The following PCDHGB1 variants were observed in gnomAD, a reference collection of about 807,000 sequenced individuals.
PCDHGB1 encodes protocadherin gamma-B1.
PCDHGB1 carries 34 observed loss-of-function variants against 56.6 expected under a neutral mutation model. The ratio of observed to expected loss-of-function variants is 0.60; its 90% CI spans 0.46 to 0.80. The LOEUF is 0.80. PCDHGB1 is among the 30% of genes least tolerant of loss of function. PCDHGB1 has a pLI of 0.00. For synonymous variants in PCDHGB1, 561 were observed against 505.9 expected (o/e 1.11, Z -1.46); for missense variants, 1,278 against 1,204.6 (o/e 1.06, Z -0.90).
intron 1 of PCDHGB1, among the ~76,000 whole-genome samples, chr5:141,479,135 G>C (rs1236040845): frequency 6.6e-6 from 1 of 152,126 alleles, no homozygotes; most frequent in East Asian, 1.9e-4. Flanking sequence ...TGTGCACCCT[G>C]CTTACAAAAT....
chr5:141,379,354 C>T (rs995158490), intron 1 of PCDHGB1: 2 of 152,104 alleles, frequency 1.3e-5, no homozygotes, highest in African/African-American at 2.4e-5. Flanking sequence ...TTTCTTGTAT[C>T]TTTGTGATAT....
chr5:141,461,648 A>G (rs910827619), intron 1 of PCDHGB1, among the ~76,000 whole-genome samples: 2 of 152,070 alleles, frequency 1.3e-5, no homozygotes, highest in South Asian at 2.1e-4. Context: ...TCTTTGACCC[A>G]TGGATTATTT....
intron 2 of PCDHGB1, among the ~76,000 whole-genome samples, chr5:141,504,869 C>T (rs919109041): frequency 6.6e-6 from 1 of 152,134 alleles, no homozygotes; most frequent in Admixed American, 6.5e-5. Flanking sequence ...CCCACCTTCA[C>T]AGTCCTCTGG....
At chr5:141,370,854 C>T in intron 1 of PCDHGB1, 1 of 1,614,054 alleles carries the variant, frequency 6.2e-7, no homozygotes. Flanking sequence ...CACATTTGCC[C>T]TGGAATCTGC....
intron 2 of PCDHGB1, among the ~76,000 whole-genome samples, chr5:141,497,540 CT>C (rs754207034): frequency 0.18 from 24,498 of 134,808 alleles, 2,020 homozygotes; most frequent in African/African-American, 0.21. Flanking sequence ...TGCAACAAAC[CT>C]TTTTTTTTTT....
At chr5:141,484,047 TC>T (rs1351554084) in intron 1 of PCDHGB1, among the ~76,000 whole-genome samples, 1 of 151,912 alleles carries the variant, frequency 6.6e-6, no homozygotes, top group African/African-American at 2.4e-5. Context: ...CTCCAAGAGG[TC>T]CCCTGGGGCT....
At chr5:141,453,586 C>T (rs1409763264) in intron 1 of PCDHGB1, among the ~76,000 whole-genome samples, 1 of 152,204 alleles carries the variant, frequency 6.6e-6, no homozygotes, top group Non-Finnish European at 1.5e-5. Context: ...GGTTTATCCT[C>T]ACTGTGTTTC....
At chr5:141,412,424 C>G (rs1383441983) in intron 1 of PCDHGB1, 1 of 152,136 alleles carries the variant, frequency 6.6e-6, no homozygotes, top group Non-Finnish European at 1.5e-5. Flanking sequence ...ATGTTTTACA[C>G]AAAAAGGTTA....
chr5:141,399,691 C>T (rs2093867392), intron 1 of PCDHGB1: 1 of 1,613,362 alleles, frequency 6.2e-7, no homozygotes, highest in Admixed American at 1.7e-5. Flanking sequence ...CGAGCAGCTG[C>T]GCACCTTCGA....
intron 1 of PCDHGB1, chr5:141,371,512 A>ATCTCTAGATC: frequency 6.2e-7 from 1 of 1,613,868 alleles, no homozygotes; most frequent in Non-Finnish European, 8.5e-7. Flanking sequence ...AAAACACATG[A>ATCTCTAGATC]TCTAGATTCT....
chr5:141,507,846 T>G (rs892503210), intron 3 of PCDHGB1, among the ~76,000 whole-genome samples: 1 of 152,134 alleles, frequency 6.6e-6, no homozygotes, highest in African/African-American at 2.4e-5. Context: ...CAGGCCCTGC[T>G]CTCACTTTCA....
At position 141,415,266 on chromosome 5, in the gene PCDHGB1, G is replaced by C. The variant is rs371754316; in HGVS notation, c.2409+62597G>C. 49 of 1,614,100 alleles carry C rather than the reference G, an allele frequency of 3.0e-5. No individual in the cohort carries two copies. The African/African-American group carries it at 6.4e-4, about 21-fold the overall frequency. On this transcript the variant is annotated intron_variant, in intron 1 of 3. Transcript: ENST00000523390. ...AAACCTCAGACCTCACTCTGTACCT[G>C]GTGGTAGCGGTGGCCGCGGTCTCCT...
At chr5:141,371,684 A>G (rs756152313) in intron 1 of PCDHGB1, 4 of 1,614,050 alleles carry the variant, frequency 2.5e-6, no homozygotes, top group Non-Finnish European at 3.4e-6. Context: ...AAGGCAATCC[A>G]CCGCTCTCCT....
intron 1 of PCDHGB1, chr5:141,355,819 G>T (rs757822946): frequency 1.9e-6 from 3 of 1,613,058 alleles, no homozygotes; most frequent in Non-Finnish European, 2.5e-6. Context: ...GGAAGAGGCG[G>T]TTCACCACCT....
intron 1 of PCDHGB1, chr5:141,364,531 C>T (rs1763385231): frequency 1.2e-6 from 2 of 1,613,976 alleles, no homozygotes; most frequent in African/African-American, 2.7e-5. Flanking sequence ...TCCGCATCGT[C>T]TCCAGAGGTA....
At chr5:141,374,600 A>T (rs1770639456) in intron 1 of PCDHGB1, 1 of 1,613,658 alleles carries the variant, frequency 6.2e-7, no homozygotes, top group Admixed American at 1.7e-5. Flanking sequence ...ATTTAAGCTC[A>T]GTGGTAATAG....
intron 1 of PCDHGB1, chr5:141,433,007 C>CT: frequency 6.2e-7 from 1 of 1,614,198 alleles, no homozygotes; most frequent in Non-Finnish European, 8.5e-7. Context: ...GCAGGCTTTC[C>CT]TGCAGACCTA....
rs2099642802 is a variant in PCDHGB1, at chr5:141,487,311, CTAAG to C, written c.2410-7494_2410-7491del. The C allele has an allele frequency of 1.2e-6, 2 of 1,614,058 alleles. No individual in the cohort carries two copies. On this transcript the variant is annotated intron_variant, in intron 1 of 3. Coordinates refer to ENST00000523390, the MANE Select transcript of PCDHGB1 (RefSeq NM_018922.3). This position sits in a 1 kb window ranked among gnomAD's most constrained non-coding sequence, Gnocchi z 5.0. ...TTTGGCTCATTCGTGGCACTACTCTCTAAGTGTCTTCGTGGGGCAGCCTGTGGAG... is the reference window on the plus strand; with the variant it reads ...TTTGGCTCATTCGTGGCACTACTCTCTGTCTTCGTGGGGCAGCCTGTGGAG...
intron 1 of PCDHGB1, among the ~76,000 whole-genome samples, chr5:141,444,463 G>T (rs570185430): frequency 6.6e-6 from 1 of 152,144 alleles, no homozygotes; most frequent in Admixed American, 6.5e-5. Flanking sequence ...GAGTCACTGC[G>T]CCCGGTCGCG....
Sources: gnomAD v4.1 joint callset for allele counts (sites outside exome capture counted in the v4.1 genomes callset) on GRCh38, gnomAD v4.1.1 for gene constraint, Gnocchi (gnomAD v3.1) non-coding constraint, MANE v1.5 for transcripts, NCBI Gene and HGNC (gene_info 2026-07-23, HGNC 2026-07-21) for gene names.